TRAFD1: variants seen among roughly 807,000 people sequenced by gnomAD.
The protein encoded by TRAFD1 is TRAF-type zinc finger domain containing 1, also known as TRAF-type zinc finger domain-containing protein 1.
Under a neutral mutation model 65.3 loss-of-function variants are expected in TRAFD1, and 38 were observed. The observed-to-expected ratio is 0.58, with a 90% CI of 0.45 to 0.76. The LOEUF (loss-of-function observed/expected upper bound fraction) is 0.76, where lower values mean the gene tolerates loss of function less well. Among genes scored for constraint, TRAFD1 ranks in the 30% least tolerant of loss-of-function variants. The probability of loss-of-function intolerance (pLI) is 0.00; values close to 1 mark genes in which losing one functional copy is unlikely to be tolerated. For missense variants in TRAFD1, 631 were observed against 712.6 expected, an observed-to-expected ratio of 0.89 and a Z score of 1.30; for synonymous variants, 223 against 257.2, an observed-to-expected ratio of 0.87 and a Z score of 1.27.
At position 112,152,039 on chromosome 12, in the gene TRAFD1, A is replaced by G; in HGVS notation, c.1518A>G (p.Ile506Met). Residue 506 changes from isoleucine to methionine, a missense_variant, in exon 10 of 12, where the codon ATA (isoleucine) becomes ATG (methionine). Physicochemically the swap from Ile to Met is conservative, Grantham distance 10 (BLOSUM62 1). Transcript: ENST00000412615. This position sits in a 1 kb window ranked among gnomAD's most constrained non-coding sequence, Gnocchi z 5.0. ...GRNRDSQNGA[I>M]APGHVSVIRP... ...ATCGAGACAGCCAGAATGGGGCCAT[A>G]GCCCCTGGGCACGTTTCAGTGATTC... 2 of 1,614,236 alleles carry G rather than the reference A, an allele frequency of 1.2e-6. No individual in the cohort carries two copies. Among genetic ancestry groups the G allele is most frequent in the Non-Finnish European group, 8.5e-7 (1 of 1,180,040 alleles).
chr12:112,146,034 G>C (rs1230055842), intron 7 of TRAFD1, among the ~76,000 whole-genome samples: 1 of 141,642 alleles, frequency 7.1e-6, no homozygotes, highest in Non-Finnish European at 1.5e-5. Flanking sequence ...TTGGGGGAGG[G>C]GGGAGGGATA....
intron 4 of TRAFD1, among the ~76,000 whole-genome samples, chr12:112,139,519 G>A (rs1283240058): frequency 4.0e-5 from 6 of 151,378 alleles, no homozygotes; most frequent in Admixed American, 2.0e-4. Flanking sequence ...CACCTCCCGG[G>A]TTCAAGCAAT....
intron 5 of TRAFD1, chr12:112,141,885 GAAT>G (rs2030097665): frequency 1.8e-6 from 1 of 570,310 alleles, no homozygotes; most frequent in South Asian, 2.2e-5. Flanking sequence ...AATACAGTTA[GAAT>G]AATAATGGAG....
chr12:112,141,364 C>T (rs2030086095), intron 5 of TRAFD1, 140 bp downstream of exon 5: 1 of 987,310 alleles, frequency 1.0e-6, no homozygotes, highest in Non-Finnish European at 1.5e-6. Flanking sequence ...ACCTCTCTTT[C>T]CTATAAAATG....
intron 2 of TRAFD1, among the ~76,000 whole-genome samples, chr12:112,131,088 C>G (rs957052942): frequency 6.6e-6 from 1 of 152,308 alleles, no homozygotes; most frequent in South Asian, 2.1e-4. Flanking sequence ...ATTAGAGCAA[C>G]AGCTGGTTAC....
chr12:112,140,292 T>G (rs2030049112), intron 4 of TRAFD1: 1 of 172,312 alleles, frequency 5.8e-6, no homozygotes, highest in South Asian at 1.0e-4. Context: ...TGGTGGTGTG[T>G]GCCTGAAATC....
chr12:112,141,197 G>T lies in TRAFD1; in HGVS notation c.616G>T (p.Ala206Ser). ...NRTTNQRNIT[A>S]QVSIQNNLFE... Reference sequence around the variant, plus strand: ...AACTACCAACCAAAGGAACATTACAGCCCAGGTTTCAATTCAGAATAATCT... The same window carrying T: ...AACTACCAACCAAAGGAACATTACATCCCAGGTTTCAATTCAGAATAATCT... Residue 206 changes from alanine (A) to serine (S), a missense_variant, in exon 5 of 12, where the codon GCC becomes TCC. By Grantham distance (99) the Ala-to-Ser change is moderately conservative. Transcript: ENST00000412615. 1 of 1,614,100 alleles carries T rather than the reference G, an allele frequency of 6.2e-7. No individual in the cohort carries two copies. The highest frequency in any genetic ancestry group is 8.5e-7 in the Non-Finnish European group (1 of 1,180,030).
At position 112,135,001 on chromosome 12, in the gene TRAFD1, T is replaced by G; in HGVS notation, c.184-12T>G. The stretch of plus-strand genomic sequence containing the variant: ...CCAAAGCCAATTTACTGATTCTCAC[T>G]TCTTACTCTAGGTGACCTGCAAATG... On this transcript the variant is annotated splice_polypyrimidine_tract_variant and intron_variant, in intron 3 of 11. Coordinates refer to ENST00000412615, the MANE Select transcript of TRAFD1 (RefSeq NM_006700.3). 6.2e-7 allele frequency: 1 copy of G among 1,614,226 alleles called. No individual in the cohort carries two copies.
chr12:112,149,943 C>T (rs1166562119), intron 9 of TRAFD1, 72 bp downstream of exon 9: 2 of 1,591,380 alleles, frequency 1.3e-6, no homozygotes, highest in African/African-American at 1.3e-5. Context: ...CACTTCCCAT[C>T]CACTGCTCTA....
In TRAFD1 at chr12:112,135,069, T is replaced by C; in HGVS notation, c.237+3T>C. On this transcript the variant is annotated splice_donor_region_variant and intron_variant, in intron 4 of 11. Coordinates refer to ENST00000412615, the MANE Select transcript of TRAFD1 (RefSeq NM_006700.3). ...AGAGGCTGTTAAAGAAGCATGAGGT[T>C]AGTCCATGGAGTGAGTTACCGTGGG... is the stretch of plus-strand genomic sequence containing the variant. The C allele has an allele frequency of 6.2e-7, 1 of 1,614,176 alleles. No homozygotes were observed. Among genetic ancestry groups the C allele is most frequent in the Non-Finnish European group, 8.5e-7 (1 of 1,180,012 alleles).
chr12:112,152,007 G>A lies in TRAFD1; in HGVS notation c.1486G>A (p.Gly496Arg). The A allele has an allele frequency of 2.5e-6, 4 of 1,614,238 alleles. No homozygotes were observed. Among genetic ancestry groups the A allele is most frequent in the Non-Finnish European group, 3.4e-6 (4 of 1,180,040 alleles). Residue 496 changes from glycine to arginine, a missense_variant, in exon 10 of 12, where the codon GGG (glycine) becomes AGG (arginine). Transcript: ENST00000412615. The surrounding 1 kb of genome is among the most constrained non-coding windows in gnomAD (Gnocchi z 5.0). ...LSNSDSQDIQGRNRDSQNGAI... is the reference protein window; with the variant it reads ...LSNSDSQDIQRRNRDSQNGAI... ...CAACTCAGACAGCCAGGACATCCAG[G>A]GGCGGAATCGAGACAGCCAGAATGG...
chr12:112,141,328 T>C (rs911349904), intron 5 of TRAFD1, 104 bp downstream of exon 5: 3 of 1,317,532 alleles, frequency 2.3e-6, no homozygotes. Flanking sequence ...GAAACCCGAC[T>C]GTAGCTGAGT....
rs780842019 is a variant in TRAFD1 at position 112,152,401 on chromosome 12, G to A, written c.1620-26G>A. On this transcript the variant is annotated intron_variant, in intron 10 of 11. Coordinates refer to ENST00000412615, the MANE Select transcript of TRAFD1 (RefSeq NM_006700.3). The surrounding 1 kb of genome is among the most constrained non-coding windows in gnomAD (Gnocchi z 5.0). ...ACCTTTGCTCAGGGACACTTCAGGA[G>A]CTAGTTTCTAATTGTTTTCTTTCAG... 1.2e-6 allele frequency: 2 copies of A among 1,610,136 alleles called. No individual in the cohort carries two copies. Among genetic ancestry groups the A allele is most frequent in the Non-Finnish European group, 1.7e-6 (2 of 1,179,942 alleles).
intron 1 of TRAFD1, among the ~76,000 whole-genome samples, chr12:112,129,745 C>T (rs1183350468): frequency 2.6e-5 from 4 of 151,940 alleles, no homozygotes; most frequent in African/African-American, 9.7e-5. Flanking sequence ...CTGGTTGAAG[C>T]GATTCTCCTG....
At position 112,130,438 on chromosome 12, in the gene TRAFD1, ATT is replaced by A. The variant is rs2079562158; in HGVS notation, c.-12-71_-12-70del. Reference sequence around the variant, plus strand: ...GACAGTTTCTGTATACTAGTTTTTTATTTGTTTTTTTGCATGTCATCTTTAAA... The same window carrying A: ...GACAGTTTCTGTATACTAGTTTTTTATGTTTTTTTGCATGTCATCTTTAAA... On this transcript the variant is annotated intron_variant, in intron 1 of 11. Coordinates refer to ENST00000412615, the MANE Select transcript of TRAFD1 (RefSeq NM_006700.3). This position sits in a 1 kb window ranked among gnomAD's most constrained non-coding sequence, Gnocchi z 4.4. 1 of 1,263,904 alleles carries A rather than the reference ATT, an allele frequency of 7.9e-7. No individual in the cohort carries two copies. The highest frequency in any genetic ancestry group is 1.3e-5 in the South Asian group (1 of 79,624). The allele number at this position is 1,263,904 out of a possible 1,614,324, so 78.3% of individuals were successfully genotyped here. A position where few individuals can be genotyped will look rare whatever the true frequency, so the allele number is the denominator to read the frequency against.
Position 112,140,985 on chromosome 12 carries a change from G to T in TRAFD1, c.404G>T (p.Cys135Phe), listed in dbSNP as rs772866825. 4.3e-6 allele frequency: 7 copies of T among 1,614,226 alleles called. No homozygotes were observed. Among genetic ancestry groups the T allele is most frequent in the Non-Finnish European group, 5.9e-6 (7 of 1,180,040 alleles). The stretch of plus-strand genomic sequence containing the variant: ...GATCTGAAGACTCACCCTGAAGTTT[G>T]TGGGAGAGAGGGGGAGGAAAAGAGA... ...VKDLKTHPEV[C>F]GREGEEKRNE... The change falls in exon 5 of 12, where the codon TGT becomes TTT. Residue 135 changes from cysteine (C) to phenylalanine (F), a missense_variant. Transcript: ENST00000412615.
intron 6 of TRAFD1, among the ~76,000 whole-genome samples, chr12:112,143,995 T>A (rs2030165128): frequency 6.6e-6 from 1 of 151,140 alleles, no homozygotes; most frequent in African/African-American, 2.4e-5. Context: ...TCCCAAAGGA[T>A]TGGGATTACA....
intron 1 of TRAFD1, among the ~76,000 whole-genome samples, chr12:112,127,355 A>AT (rs1390100334): frequency 1.3e-5 from 2 of 152,112 alleles, no homozygotes; most frequent in Admixed American, 6.6e-5. Flanking sequence ...AGTTATATGT[A>AT]TTTTTTTGCT....
chr12:112,145,452 C>A, intron 6 of TRAFD1, 134 bp from the exon 7 acceptor site: 1 of 790,626 alleles, frequency 1.3e-6, no homozygotes, highest in Non-Finnish European at 2.0e-6. Flanking sequence ...GAATATACAG[C>A]CCCACAAATT....
Sources: allele counts gnomAD v4.1 joint callset (sites outside exome capture counted in the v4.1 genomes callset), GRCh38; gene constraint gnomAD v4.1.1; non-coding constraint Gnocchi (gnomAD v3.1); transcripts MANE v1.5; gene names NCBI Gene and HGNC (gene_info 2026-07-23, HGNC 2026-07-21).